SCAMP2: variants seen among roughly 807,000 people sequenced by gnomAD.
SCAMP2 encodes secretory carrier-associated membrane protein 2.
Under a neutral mutation model 44.1 loss-of-function variants are expected in SCAMP2, and 25 were observed. The observed-to-expected ratio is 0.57, with a 90% CI of 0.41 to 0.79. The LOEUF (loss-of-function observed/expected upper bound fraction) is 0.79, where lower values mean the gene tolerates loss of function less well. Among genes scored for constraint, SCAMP2 ranks in the 30% least tolerant of loss-of-function variants. The pLI is 0.00. For synonymous variants in SCAMP2, 156 were observed against 166.0 expected, an observed-to-expected ratio of 0.94 and a Z score of 0.46; for missense variants, 355 against 411.0, an observed-to-expected ratio of 0.86 and a Z score of 1.18.
At position 74,845,525 on chromosome 15, in the gene SCAMP2, A is replaced by G; in HGVS notation, c.803T>C (p.Val268Ala). ...SLAISVIMMV[V>A]AGFFTLCAVL... ...GGCACAGAGGGTGAAGAAGCCAGCC[A>G]CCACCATCATGATGACTGATATGGC... Residue 268 changes from valine (V) to alanine (A), a missense_variant, in exon 8 of 9, where the codon GTG becomes GCG. Coordinates refer to ENST00000268099, the MANE Select transcript of SCAMP2 (RefSeq NM_005697.5). 1 of 1,614,188 alleles carries G rather than the reference A, an allele frequency of 6.2e-7. No individual in the cohort carries two copies. The highest frequency in any genetic ancestry group is 8.5e-7 in the Non-Finnish European group (1 of 1,180,036).
intron 1 of SCAMP2, among the ~76,000 whole-genome samples, chr15:74,869,141 G>A (rs911992490): frequency 2.0e-5 from 3 of 152,036 alleles, no homozygotes; most frequent in Admixed American, 6.6e-5. Flanking sequence ...GCAAAAGAGC[G>A]AAACACCATC....
At chr15:74,856,369 G>A (rs1168047853) in intron 1 of SCAMP2, among the ~76,000 whole-genome samples, 1 of 149,702 alleles carries the variant, frequency 6.7e-6, no homozygotes, top group African/African-American at 2.5e-5. Flanking sequence ...CCGCCTTCTG[G>A]GCTCAAGCTA....
At chr15:74,850,790 AGAG>A (rs1246167990) in intron 5 of SCAMP2, 117 bp from the exon 6 acceptor site, 8 of 1,047,080 alleles carry the variant, frequency 7.6e-6, no homozygotes, top group Non-Finnish European at 1.4e-6. Context: ...CTGCTGAAAC[AGAG>A]GAGCCCGCTC....
At chr15:74,873,070 G>C (rs2064587999) in intron 1 of SCAMP2, 129 bp downstream of exon 1, 1 of 800,718 alleles carries the variant, frequency 1.2e-6, no homozygotes, top group Non-Finnish European at 1.8e-6. Flanking sequence ...AGACCTCAAA[G>C]CCCGCTCTCC....
At chr15:74,850,055 G>A (rs2064425459) in intron 6 of SCAMP2, among the ~76,000 whole-genome samples, 1 of 152,174 alleles carries the variant, frequency 6.6e-6, no homozygotes, top group South Asian at 2.1e-4. Context: ...TCTGTAAGGT[G>A]TATCCAGCTA....
chr15:74,871,210 T>A (rs929149014), intron 1 of SCAMP2, among the ~76,000 whole-genome samples: 1 of 152,150 alleles, frequency 6.6e-6, no homozygotes, highest in East Asian at 1.9e-4. Flanking sequence ...TCATAGCACT[T>A]TGAGAGGCTG....
At position 74,873,275 on chromosome 15, in the gene SCAMP2, G is replaced by A. The variant is rs1272190591; in HGVS notation, c.-20C>T. 4 of 1,478,082 alleles carry A rather than the reference G, an allele frequency of 2.7e-6. No homozygotes were observed. The highest frequency in any genetic ancestry group is 3.6e-6 in the Non-Finnish European group (4 of 1,118,760). The allele number at this position is 1,478,082 out of a possible 1,614,324, so 91.6% of individuals were successfully genotyped here. ...CGACATGGTGATCGGGGGCCAGCGGGCGAACTCCGCGAACGCTGCTGCCTC... is the reference window on the plus strand; with the variant it reads ...CGACATGGTGATCGGGGGCCAGCGGACGAACTCCGCGAACGCTGCTGCCTC... On this transcript the variant is annotated 5_prime_UTR_variant, in exon 1 of 9. Transcript: ENST00000268099.
rs1018297004 is a variant in SCAMP2 at position 74,856,420 on chromosome 15, G to A, written c.58-1771C>T. On this transcript the variant is annotated intron_variant, in intron 1 of 8. Coordinates refer to ENST00000268099, the MANE Select transcript of SCAMP2 (RefSeq NM_005697.5). ...CTCCTGAGTAGCTGGGATTACAGGC[G>A]CCTGCCACCACACCTAGCTAATTTT... Among the ~76,000 whole-genome samples the A allele has an allele frequency of 5.3e-5, 8 of 150,626 alleles. No homozygotes were observed. The South Asian group carries it at 6.3e-4, about 12-fold the overall frequency.
intron 4 of SCAMP2, 157 bp downstream of exon 4, chr15:74,851,912 A>G (rs781203235): frequency 1.9e-6 from 1 of 531,938 alleles, no homozygotes; most frequent in East Asian, 3.0e-5. Flanking sequence ...CTGACTTGCA[A>G]CTTACTGCTC....
At chr15:74,851,913 C>T in intron 4 of SCAMP2, 156 bp downstream of exon 4, 1 of 531,330 alleles carries the variant, frequency 1.9e-6, no homozygotes, top group South Asian at 3.3e-5. Context: ...TGACTTGCAA[C>T]TTACTGCTCT....
In SCAMP2 at chr15:74,850,673, A is replaced by C; in HGVS notation, c.473T>G (p.Leu158Trp). 1 of 1,613,912 alleles carries C rather than the reference A, an allele frequency of 6.2e-7. No individual in the cohort carries two copies. Among genetic ancestry groups the C allele is most frequent in the East Asian group, 2.2e-5 (1 of 44,870 alleles). ...ICKMLYYLWMLHSVTLFLNLL... is the reference protein window; with the variant it reads ...ICKMLYYLWMWHSVTLFLNLL... The stretch of plus-strand genomic sequence containing the variant: ...GTTCAGAAACAGAGTCACTGAATGC[A>C]CTGGGGAAGGGGACAGGACAGAGTT... The change falls in exon 6 of 9, where the codon TTG (leucine) becomes TGG (tryptophan). Residue 158 changes from leucine (L) to tryptophan (W), a missense_variant and splice_region_variant. Leu to Trp is a moderately conservative substitution (Grantham distance 61, BLOSUM62 -2). Coordinates refer to ENST00000268099, the MANE Select transcript of SCAMP2 (RefSeq NM_005697.5).
chr15:74,854,040 G>C lies in SCAMP2; in HGVS notation c.206C>G (p.Pro69Arg), dbSNP rs202198269. ...CACTACCTGGGGGGTCGGCTGGGTT[G>C]GTTCCACTGATGGCTGGAGAACCGC... Reference protein sequence around the residue: ...QPAVLQPSVEPTQPTPQAVVS... With the variant: ...QPAVLQPSVERTQPTPQAVVS... Residue 69 changes from proline (P) to arginine (R), a missense_variant, in exon 3 of 9, where the codon CCA becomes CGA. By Grantham distance (103) the Pro-to-Arg change is moderately radical (BLOSUM62 -2). Transcript: ENST00000268099. 253 of 1,614,108 alleles carry C rather than the reference G, an allele frequency of 1.6e-4. No homozygotes were observed. The highest frequency in any genetic ancestry group is 2.1e-4 in the Non-Finnish European group (245 of 1,179,966).
intron 6 of SCAMP2, among the ~76,000 whole-genome samples, chr15:74,849,401 C>T (rs1227292521): frequency 6.8e-6 from 1 of 147,290 alleles, no homozygotes; most frequent in African/African-American, 2.5e-5. Flanking sequence ...TGAGCCGAGA[C>T]TGCGCCATTG....
intron 1 of SCAMP2, among the ~76,000 whole-genome samples, chr15:74,861,845 G>T (rs939008637): frequency 6.9e-6 from 1 of 144,994 alleles, no homozygotes; most frequent in Non-Finnish European, 1.5e-5. Flanking sequence ...AGCTTGCAGC[G>T]AGCCGAGGTC....
intron 1 of SCAMP2, among the ~76,000 whole-genome samples, chr15:74,866,315 A>C (rs1438992553): frequency 6.6e-6 from 1 of 151,854 alleles, no homozygotes; most frequent in Admixed American, 6.6e-5. Context: ...TCTAAGAGTG[A>C]GGACATGCCT....
chr15:74,848,416 T>G (rs1880886965), intron 7 of SCAMP2, 184 bp downstream of exon 7: 1 of 497,750 alleles, frequency 2.0e-6, no homozygotes, highest in African/African-American at 2.0e-5. Context: ...AAAAAAAAAG[T>G]GAGTGGCTAC....
chr15:74,870,004 TCA>T (rs1450577027), intron 1 of SCAMP2, among the ~76,000 whole-genome samples: 5 of 152,156 alleles, frequency 3.3e-5, no homozygotes, highest in African/African-American at 9.7e-5. Flanking sequence ...AGGAGAAGGT[TCA>T]GAGGCCTCAC....
At chr15:74,861,845 G>A (rs939008637) in intron 1 of SCAMP2, among the ~76,000 whole-genome samples, 1 of 145,082 alleles carries the variant, frequency 6.9e-6, no homozygotes, top group East Asian at 2.0e-4. Flanking sequence ...AGCTTGCAGC[G>A]AGCCGAGGTC....
At chr15:74,864,395 A>AGAG (rs2064528789) in intron 1 of SCAMP2, among the ~76,000 whole-genome samples, 1 of 152,146 alleles carries the variant, frequency 6.6e-6, no homozygotes, top group Admixed American at 6.6e-5. Flanking sequence ...TGTGTTCAGA[A>AGAG]GAGAGAAGGT....
Sources: gnomAD v4.1 joint callset for allele counts (sites outside exome capture counted in the v4.1 genomes callset) on GRCh38, gnomAD v4.1.1 for gene constraint, MANE v1.5 for transcripts, NCBI Gene and HGNC (gene_info 2026-07-23, HGNC 2026-07-21) for gene names.